ISCA2: variants seen among roughly 807,000 people sequenced by gnomAD.
ISCA2 encodes iron-sulfur cluster assembly 2.
ISCA2 carries 21 observed loss-of-function variants against 19.1 expected under a neutral mutation model. That is an observed-to-expected ratio of 1.10 (90% CI 0.78 to 1.59). The LOEUF (loss-of-function observed/expected upper bound fraction) is 1.59. Among genes scored for constraint, ISCA2 ranks in the 40% most tolerant of loss-of-function variants. The probability of loss-of-function intolerance (pLI) is 0.00; values close to 1 mark genes in which losing one functional copy is unlikely to be tolerated. For missense variants in ISCA2, 181 were observed against 191.7 expected (o/e 0.94, Z 0.33); for synonymous variants, 107 against 83.8 (o/e 1.28, Z -1.51).
In ISCA2 at chr14:74,495,960, T is replaced by G. The variant is rs2086842720; in HGVS notation, c.*960T>G. 6.6e-6 allele frequency: 1 copy of G among 152,228 alleles called. No individual in the cohort carries two copies. The highest frequency in any genetic ancestry group is 2.4e-5 in the African/African-American group (1 of 41,460). 9.4% of individuals were successfully genotyped at this position (152,228 alleles called of 1,614,324 possible). ...TGAAATTCAAATTTAACTCATATTT[T>G]TATTTGCTGACCTTGGCAACTCTGC... On this transcript the variant is annotated 3_prime_UTR_variant, in exon 4 of 4. Coordinates refer to ENST00000556816, the MANE Select transcript of ISCA2 (RefSeq NM_194279.4).
In ISCA2 at chr14:74,494,985, C is replaced by T. The variant is rs755069724; in HGVS notation, c.450C>T (p.Phe150=). 3.7e-6 allele frequency: 6 copies of T among 1,612,314 alleles called. No homozygotes were observed. In the East Asian group the frequency reaches 1.3e-4, roughly 36 times the overall value. ...AQQGCSCGSS[F]SIKL is the part of the protein sequence containing the mutation. ...AAGGCTGCTCCTGTGGGTCATCTTT[C>T]TCTATCAAACTTTGATGTGATGACT... Residue 150 remains phenylalanine (F), a synonymous_variant, in exon 4 of 4, where the codon TTC becomes TTT. Coordinates refer to ENST00000556816, the MANE Select transcript of ISCA2 (RefSeq NM_194279.4).
At position 74,495,777 on chromosome 14, in the gene ISCA2, T is replaced by G. The variant is rs1026284179; in HGVS notation, c.*777T>G. ...CTCTGGTCTCATGCACAGCAGGAAG[T>G]GATCCCTTTATTGTTATAGGTAATA... On this transcript the variant is annotated 3_prime_UTR_variant, in exon 4 of 4. Coordinates refer to ENST00000556816, the MANE Select transcript of ISCA2 (RefSeq NM_194279.4). The G allele has an allele frequency of 1.3e-5, 2 of 152,248 alleles. No homozygotes were observed. The highest frequency in any genetic ancestry group is 2.9e-5 in the Non-Finnish European group (2 of 68,048). The allele number at this position is 152,248 out of a possible 1,614,324, so 9.4% of individuals were successfully genotyped here.
At position 74,494,082 on chromosome 14, in the gene ISCA2, G is replaced by A; in HGVS notation, c.104G>A (p.Arg35His). 1 of 1,556,270 alleles carries A rather than the reference G, an allele frequency of 6.4e-7. No homozygotes were observed. The highest frequency in any genetic ancestry group is 8.7e-7 in the Non-Finnish European group (1 of 1,154,340). The change falls in exon 2 of 4, where the codon CGT becomes CAT. Residue 35 changes from arginine to histidine, a missense_variant. Arg to His is a conservative substitution (Grantham distance 29). Transcript: ENST00000556816. ...ACGGCCTCCCTGGGACCCCAGGCGC[G>A]TCGGGAGGCGTCGTCCTCCAGCCCC... ...LLTASLGPQARREASSSSPEA... is the reference protein window; with the variant it reads ...LLTASLGPQAHREASSSSPEA...
Position 74,495,439 on chromosome 14 carries a change from G to A in ISCA2, c.*439G>A, listed in dbSNP as rs2086837643. The stretch of plus-strand genomic sequence containing the variant: ...CACCAGTTATTAGAGGATGAGAAAA[G>A]TAAATGAAATGTTCTCTTTTTCACT... On this transcript the variant is annotated 3_prime_UTR_variant, in exon 4 of 4. Coordinates refer to ENST00000556816, the MANE Select transcript of ISCA2 (RefSeq NM_194279.4). 1 of 153,656 alleles carries A rather than the reference G, an allele frequency of 6.5e-6. No individual in the cohort carries two copies. Among genetic ancestry groups the A allele is most frequent in the African/African-American group, 2.4e-5 (1 of 41,524 alleles). The allele number at this position is 153,656 out of a possible 1,614,324, so 9.5% of individuals were successfully genotyped here.
rs746679489 is a variant in ISCA2 at position 74,493,786 on chromosome 14, C to T, written c.12C>T (p.Ala4=). 1 of 1,529,322 alleles carries T rather than the reference C, an allele frequency of 6.5e-7. No individual in the cohort carries two copies. The highest frequency in any genetic ancestry group is 8.8e-7 in the Non-Finnish European group (1 of 1,140,882). 94.7% of individuals were successfully genotyped at this position (1,529,322 alleles called of 1,614,324 possible). A position where few individuals can be genotyped will look rare whatever the true frequency, so the allele number is the denominator to read the frequency against. ...GCTTGTGGAGGAAGATGGCTGCCGC[C>T]TGGGGGTCGTCCCTAACGGCCGCGA... MAA[A]WGSSLTAATQ... The change falls in exon 1 of 4, where the codon GCC becomes GCT. Residue 4 remains alanine (A), a synonymous_variant. Transcript: ENST00000556816. The surrounding 1 kb of genome is among the most constrained non-coding windows in gnomAD (Gnocchi z 4.1).
Position 74,494,894 on chromosome 14 carries a change from A to G in ISCA2, c.359A>G (p.Gln120Arg). 1.2e-6 allele frequency: 2 copies of G among 1,614,158 alleles called. No individual in the cohort carries two copies. Among genetic ancestry groups the G allele is most frequent in the Non-Finnish European group, 1.7e-6 (2 of 1,179,980 alleles). Residue 120 changes from glutamine (Q) to arginine (R), a missense_variant, in exon 4 of 4, where the codon CAG becomes CGG. Gln to Arg is a conservative substitution (Grantham distance 43). Coordinates refer to ENST00000556816, the MANE Select transcript of ISCA2 (RefSeq NM_194279.4). Reference sequence around the variant, plus strand: ...AGCTTGGCCTTCGTGAAAGGGGCCCAGGTGGACTTCAGCCAAGAACTGATC... The same window carrying G: ...AGCTTGGCCTTCGTGAAAGGGGCCCGGGTGGACTTCAGCCAAGAACTGATC... Reference protein sequence around the residue: ...SDSLAFVKGAQVDFSQELIRS... With the variant: ...SDSLAFVKGARVDFSQELIRS...
chr14:74,494,194 C>T (rs528409477), intron 2 of ISCA2, 42 bp downstream of exon 2: 11 of 1,564,816 alleles, frequency 7.0e-6, no homozygotes, highest in East Asian at 4.7e-5. Flanking sequence ...AGGCGATTGG[C>T]GGGAGCAGCG....
At position 74,494,864 on chromosome 14, in the gene ISCA2, C is replaced by G; in HGVS notation, c.329C>G (p.Ser110Cys). The change falls in exon 4 of 4, where the codon TCT (serine) becomes TGT (cysteine). Residue 110 changes from serine (S) to cysteine (C), a missense_variant. Ser to Cys is a moderately radical substitution (Grantham distance 112, BLOSUM62 -1). Coordinates refer to ENST00000556816, the MANE Select transcript of ISCA2 (RefSeq NM_194279.4). The stretch of plus-strand genomic sequence containing the variant: ...GGTGGGGCAAGAGTGGTGGTTGACT[C>G]TGATAGCTTGGCCTTCGTGAAAGGG... ...EQGGARVVVD[S>C]DSLAFVKGAQ... 6.2e-7 allele frequency: 1 copy of G among 1,614,126 alleles called. No homozygotes were observed.
Position 74,496,438 on chromosome 14 carries a change from A to T in ISCA2, c.*1438A>T, listed in dbSNP as rs189825109. On this transcript the variant is annotated 3_prime_UTR_variant, in exon 4 of 4. Transcript: ENST00000556816. ...ATGCGGTTAGAGGAGAGAAGGGGAC[A>T]CTCAGAAACCTGAGCACATTTCTTA... The T allele has an allele frequency of 6.6e-6, 1 of 152,230 alleles. No homozygotes were observed. Among genetic ancestry groups the T allele is most frequent in the South Asian group, 2.1e-4 (1 of 4,828 alleles). 9.4% of individuals were successfully genotyped at this position (152,230 alleles called of 1,614,324 possible).
intron 3 of ISCA2, 41 bp from the exon 4 acceptor site, chr14:74,494,785 T>G: frequency 6.3e-7 from 1 of 1,580,914 alleles, no homozygotes; most frequent in Non-Finnish European, 8.6e-7. Flanking sequence ...GTCTTTTTTG[T>G]GTTTGCGATA....
In ISCA2 at chr14:74,493,949, C is replaced by G; in HGVS notation, c.72-101C>G. 5 of 1,462,916 alleles carry G rather than the reference C, an allele frequency of 3.4e-6. No homozygotes were observed. The highest frequency in any genetic ancestry group is 4.7e-6 in the Non-Finnish European group (5 of 1,071,970). The allele number at this position is 1,462,916 out of a possible 1,614,324, so 90.6% of individuals were successfully genotyped here. ...GGGATGCGAGGGTTTGGTGGGAGGC[C>G]GTCCAGGTGGGGGTCGCCAGGTTTA... On this transcript the variant is annotated intron_variant, in intron 1 of 3. Transcript: ENST00000556816. The surrounding 1 kb of genome is among the most constrained non-coding windows in gnomAD (Gnocchi z 4.1).
At chr14:74,494,777 C>CT (rs781470563) in intron 3 of ISCA2, 49 bp from the exon 4 acceptor site, 81 of 1,562,144 alleles carry the variant, frequency 5.2e-5, no homozygotes, top group Non-Finnish European at 7.0e-5. Flanking sequence ...CAGGGGGTGT[C>CT]TTTTTTGTGT....
chr14:74,494,241 C>G (rs2086818872), intron 2 of ISCA2, 34 bp from the exon 3 acceptor site: 6 of 1,602,684 alleles, frequency 3.7e-6, no homozygotes, highest in South Asian at 1.1e-5. Flanking sequence ...ACTCCCGTTT[C>G]CCGCTATTCT....
In ISCA2 at chr14:74,494,043, C is replaced by A. The variant is rs2086814347; in HGVS notation, c.72-7C>A. ...CTCCCGGGCTCACCCTCCTCCCTTG[C>A]GCGCAGGCTCCTCACGGCCTCCCTG... On this transcript the variant is annotated splice_polypyrimidine_tract_variant and splice_region_variant and intron_variant, in intron 1 of 3. Transcript: ENST00000556816. 2 of 1,535,328 alleles carry A rather than the reference C, an allele frequency of 1.3e-6. No homozygotes were observed. Among genetic ancestry groups the A allele is most frequent in the Non-Finnish European group, 1.8e-6 (2 of 1,142,306 alleles).
Position 74,493,970 on chromosome 14 carries a change from G to C in ISCA2, c.72-80G>C. The C allele has an allele frequency of 1.3e-6, 2 of 1,483,904 alleles. No individual in the cohort carries two copies. Among genetic ancestry groups the C allele is most frequent in the Non-Finnish European group, 1.8e-6 (2 of 1,091,942 alleles). The allele number at this position is 1,483,904 out of a possible 1,614,324, so 91.9% of individuals were successfully genotyped here. ...AGGCCGTCCAGGTGGGGGTCGCCAG[G>C]TTTAGCGTGAGGCGCTCCAGGTCGA... On this transcript the variant is annotated intron_variant, in intron 1 of 3. Coordinates refer to ENST00000556816, the MANE Select transcript of ISCA2 (RefSeq NM_194279.4). The surrounding 1 kb of genome is among the most constrained non-coding windows in gnomAD (Gnocchi z 4.1).
Position 74,493,820 on chromosome 14 carries a change from G to A in ISCA2, c.46G>A (p.Ala16Thr), listed in dbSNP as rs2086810771. Residue 16 changes from alanine (A) to threonine (T), a missense_variant, in exon 1 of 4, where the codon GCG (alanine) becomes ACG (threonine). Ala to Thr is a moderately conservative substitution (Grantham distance 58, BLOSUM62 0). Transcript: ENST00000556816. This position sits in a 1 kb window ranked among gnomAD's most constrained non-coding sequence, Gnocchi z 4.1. Reference protein sequence around the residue: ...GSSLTAATQRAVTPWPRGRLL... With the variant: ...GSSLTAATQRTVTPWPRGRLL... The stretch of plus-strand genomic sequence containing the variant: ...GTCCCTAACGGCCGCGACGCAGAGA[G>A]CGGTCACTCCCTGGCCGAGGGGCAG... 7.1e-6 allele frequency: 11 copies of A among 1,546,602 alleles called. No homozygotes were observed. Among genetic ancestry groups the A allele is most frequent in the African/African-American group, 1.4e-5 (1 of 72,966 alleles).
rs1035907905 is a variant in ISCA2, at chr14:74,496,432, G to A, written c.*1432G>A. The A allele has an allele frequency of 6.6e-6, 1 of 152,210 alleles. No individual in the cohort carries two copies. The highest frequency in any genetic ancestry group is 1.5e-5 in the Non-Finnish European group (1 of 68,032). The allele number at this position is 152,210 out of a possible 1,614,324, so 9.4% of individuals were successfully genotyped here. On this transcript the variant is annotated 3_prime_UTR_variant, in exon 4 of 4. Coordinates refer to ENST00000556816, the MANE Select transcript of ISCA2 (RefSeq NM_194279.4). ...CCTATCATGCGGTTAGAGGAGAGAA[G>A]GGGACACTCAGAAACCTGAGCACAT...
chr14:74,494,943 C>A lies in ISCA2; in HGVS notation c.408C>A (p.Asn136Lys). 2 of 1,613,890 alleles carry A rather than the reference C, an allele frequency of 1.2e-6. No individual in the cohort carries two copies. The highest frequency in any genetic ancestry group is 1.7e-6 in the Non-Finnish European group (2 of 1,179,980). ...ELIRSSFQVLNNPQAQQGCSC... is the reference protein window; with the variant it reads ...ELIRSSFQVLKNPQAQQGCSC... Reference sequence around the variant, plus strand: ...TCCGAAGCTCATTTCAAGTGTTGAACAATCCTCAAGCACAGCAAGGCTGCT... The same window carrying A: ...TCCGAAGCTCATTTCAAGTGTTGAAAAATCCTCAAGCACAGCAAGGCTGCT... The change falls in exon 4 of 4, where the codon AAC becomes AAA. Residue 136 changes from asparagine (N) to lysine (K), a missense_variant. Asn to Lys is a moderately conservative substitution (Grantham distance 94). Transcript: ENST00000556816.
Position 74,494,948 on chromosome 14 carries a change from C to T in ISCA2, c.413C>T (p.Pro138Leu). The change falls in exon 4 of 4, where the codon CCT becomes CTT. Residue 138 changes from proline to leucine, a missense_variant. Physicochemically the swap from Pro to Leu is moderately conservative, Grantham distance 98 (BLOSUM62 -3). Coordinates refer to ENST00000556816, the MANE Select transcript of ISCA2 (RefSeq NM_194279.4). ...AGCTCATTTCAAGTGTTGAACAATC[C>T]TCAAGCACAGCAAGGCTGCTCCTGT... is the stretch of plus-strand genomic sequence containing the variant. ...IRSSFQVLNN[P>L]QAQQGCSCGS... 1 of 1,613,788 alleles carries T rather than the reference C, an allele frequency of 6.2e-7. No homozygotes were observed. The highest frequency in any genetic ancestry group is 8.5e-7 in the Non-Finnish European group (1 of 1,180,000).
Sources: gnomAD v4.1 joint callset for allele counts on GRCh38, gnomAD v4.1.1 for gene constraint, Gnocchi (gnomAD v3.1) non-coding constraint, MANE v1.5 for transcripts, NCBI Gene and HGNC (gene_info 2026-07-23, HGNC 2026-07-21) for gene names.